The following ACOXL variants were observed in gnomAD, a reference collection of about 807,000 sequenced individuals.
ACOXL encodes acyl-CoA oxidase like, also known as acyl-coenzyme A oxidase-like protein.
Under a neutral mutation model 71.9 loss-of-function variants are expected in ACOXL, and 70 were observed. That is an observed-to-expected ratio of 0.97 (90% CI 0.80 to 1.19). The LOEUF (loss-of-function observed/expected upper bound fraction) is 1.19. Among genes scored for constraint, ACOXL ranks in the 50% most tolerant of loss-of-function variants. The pLI is 0.00. For synonymous variants in ACOXL, 253 were observed against 281.6 expected, an observed-to-expected ratio of 0.90 and a Z score of 1.02; for missense variants, 703 against 736.3, an observed-to-expected ratio of 0.95 and a Z score of 0.52.
At chr2:110,821,415 A>G (rs1158723908) in intron 9 of ACOXL, among the ~76,000 whole-genome samples, 1 of 152,178 alleles carries the variant, frequency 6.6e-6, no homozygotes, top group African/African-American at 2.4e-5. Context: ...GGACCCCTAT[A>G]TGCAGCGGGG....
At chr2:110,808,829 A>C (rs1269942433) in intron 9 of ACOXL, among the ~76,000 whole-genome samples, 1 of 152,228 alleles carries the variant, frequency 6.6e-6, no homozygotes, top group Non-Finnish European at 1.5e-5. Flanking sequence ...TGAGTGTAGC[A>C]ACTCATGTGC....
chr2:111,071,857 C>T (rs2067358311), intron 16 of ACOXL, among the ~76,000 whole-genome samples: 1 of 152,154 alleles, frequency 6.6e-6, no homozygotes. Flanking sequence ...CACACTGAGC[C>T]CTGATGCCAG....
At chr2:110,799,195 A>C in intron 7 of ACOXL, 95 bp downstream of exon 7, 2 of 1,304,528 alleles carry the variant, frequency 1.5e-6, no homozygotes, top group African/African-American at 1.5e-5. Flanking sequence ...TTACCGAAGC[A>C]CTGAGGGTGG....
intron 2 of ACOXL, among the ~76,000 whole-genome samples, chr2:110,784,265 A>T (rs1201894204): frequency 6.6e-6 from 1 of 152,178 alleles, no homozygotes; most frequent in Non-Finnish European, 1.5e-5. Context: ...GTACAAAAAA[A>T]AAAAAGATTG....
At chr2:111,115,623 A>G (rs1345343645) in intron 17 of ACOXL, 1 of 152,230 alleles carries the variant, frequency 6.6e-6, no homozygotes, top group African/African-American at 2.4e-5. Flanking sequence ...TAAGAGTCAA[A>G]CAATAACTAA....
rs76357491 is a variant in ACOXL at position 111,046,028 on chromosome 2, C to T, written c.1370-3190C>T. ...CATCTCCTGCACCCTCTCCTGAGGC[C>T]AGGGCAGCCCGGACATCTAAACACT... On this transcript the variant is annotated intron_variant, in intron 15 of 17. Transcript: ENST00000439055. Among the ~76,000 whole-genome samples the T allele has an allele frequency of 7.5e-3, 1,139 of 152,296 alleles. 9 individuals carry two copies. The highest frequency in any genetic ancestry group is 0.026 in the African/African-American group (1,098 of 41,574).
intron 1 of ACOXL, among the ~76,000 whole-genome samples, chr2:110,740,473 G>A (rs185521493): frequency 1.3e-5 from 2 of 152,200 alleles, no homozygotes; most frequent in Admixed American, 6.5e-5. Context: ...GCAGCCTGCA[G>A]CCCCACAGTC....
intron 10 of ACOXL, among the ~76,000 whole-genome samples, chr2:110,877,535 A>G (rs1696078546): frequency 6.6e-6 from 1 of 152,206 alleles, no homozygotes; most frequent in Non-Finnish European, 1.5e-5. Flanking sequence ...GATACAGCTG[A>G]AAACAGAACT....
In ACOXL at chr2:110,748,489, A is replaced by G. The variant is rs541561615; in HGVS notation, c.-23+15715A>G. ...AGACTTTGCCAATTAGCAGCTGTAC[A>G]TTTCCCCGGCTGAGTGACTTCACAA... On this transcript the variant is annotated intron_variant, in intron 1 of 17. Transcript: ENST00000439055. Among the ~76,000 whole-genome samples, 4 of 152,176 alleles carry G rather than the reference A, an allele frequency of 2.6e-5. No homozygotes were observed. In the East Asian group the frequency reaches 7.7e-4, roughly 29 times the overall value.
chr2:110,783,846 G>C (rs1032363405), intron 2 of ACOXL, among the ~76,000 whole-genome samples: 3 of 152,072 alleles, frequency 2.0e-5, no homozygotes, highest in Admixed American at 6.5e-5. Flanking sequence ...CCCACTCAAG[G>C]GCCTATCACC....
Position 111,088,992 on chromosome 2 carries a change from A to G in ACOXL, c.1441-3873A>G, listed in dbSNP as rs563865903. Among the ~76,000 whole-genome samples, 4 of 152,258 alleles carry G rather than the reference A, an allele frequency of 2.6e-5. No homozygotes were observed. The South Asian group carries it at 6.2e-4, about 24-fold the overall frequency. On this transcript the variant is annotated intron_variant, in intron 16 of 17. Transcript: ENST00000439055. Reference sequence around the variant, plus strand: ...TTCCTTTCTTATACTTCCTTTCTTAATCAGATTACTAGAAGAGAAAATTTG... The same window carrying G: ...TTCCTTTCTTATACTTCCTTTCTTAGTCAGATTACTAGAAGAGAAAATTTG...
At chr2:110,936,780 G>A (rs1175969777) in intron 12 of ACOXL, among the ~76,000 whole-genome samples, 2 of 152,084 alleles carry the variant, frequency 1.3e-5, no homozygotes, top group East Asian at 1.9e-4. Flanking sequence ...TGGAGTTGGT[G>A]TGTACCGCCC....
intron 9 of ACOXL, among the ~76,000 whole-genome samples, chr2:110,811,326 T>C (rs963119211): frequency 2.6e-5 from 4 of 151,964 alleles, no homozygotes; most frequent in African/African-American, 9.7e-5. Flanking sequence ...GGGGGGTCAG[T>C]GTGGGGACTG....
At chr2:111,112,413 G>A (rs1558980775) in intron 17 of ACOXL, among the ~76,000 whole-genome samples, 1 of 152,208 alleles carries the variant, frequency 6.6e-6, no homozygotes, top group African/African-American at 2.4e-5. Context: ...CACACGCTAT[G>A]AGATTATGCC....
chr2:111,098,293 A>G (rs955801687), intron 17 of ACOXL: 4 of 152,194 alleles, frequency 2.6e-5, no homozygotes, highest in Non-Finnish European at 5.9e-5. Flanking sequence ...CACTAACACT[A>G]GTGACAGCTG....
At chr2:110,968,602 G>T in intron 12 of ACOXL, 1 of 917,132 alleles carries the variant, frequency 1.1e-6, no homozygotes, top group East Asian at 2.4e-5. Context: ...AGAAGCCCAA[G>T]AAAGAAGTTA....
chr2:110,954,243 A>G (rs1345230322), intron 12 of ACOXL, among the ~76,000 whole-genome samples: 1 of 152,172 alleles, frequency 6.6e-6, no homozygotes, highest in Admixed American at 6.5e-5. Context: ...TTTCTGTGTT[A>G]TTGTGTTTAT....
At chr2:111,104,818 A>G (rs1251574621) in intron 17 of ACOXL, among the ~76,000 whole-genome samples, 2 of 152,064 alleles carry the variant, frequency 1.3e-5, no homozygotes, top group African/African-American at 4.8e-5. Context: ...AAAAGTTTTT[A>G]ATTTAATAAA....
intron 1 of ACOXL, among the ~76,000 whole-genome samples, chr2:110,735,898 T>G (rs1676771228): frequency 6.6e-6 from 1 of 152,176 alleles, no homozygotes; most frequent in Non-Finnish European, 1.5e-5. Context: ...AGAGGCTGGC[T>G]GGCAGAGGTA....
Sources: gnomAD v4.1 joint callset for allele counts (sites outside exome capture counted in the v4.1 genomes callset) on GRCh38, gnomAD v4.1.1 for gene constraint, MANE v1.5 for transcripts, NCBI Gene and HGNC (gene_info 2026-07-23, HGNC 2026-07-21) for gene names.